Variants in RAB28 observed in about 807,000 individuals in gnomAD.
The protein encoded by RAB28 is ras-related protein Rab-28.
RAB28 carries 24 observed loss-of-function variants against 31.7 expected under a neutral mutation model. The ratio of observed to expected loss-of-function variants is 0.76; its 90% CI spans 0.55 to 1.06. The LOEUF is 1.06. Ranked by LOEUF, RAB28 falls within the 50% of genes least tolerant of loss-of-function variation. The probability of loss-of-function intolerance (pLI) is 0.00; values close to 1 mark genes in which losing one functional copy is unlikely to be tolerated. For missense variants in RAB28, 254 were observed against 258.5 expected (o/e 0.98, Z 0.12); for synonymous variants, 100 against 90.4 (o/e 1.11, Z -0.60).
intron 4 of RAB28, among the ~76,000 whole-genome samples, chr4:13,416,981 A>G (rs1712822561): frequency 6.6e-6 from 1 of 152,208 alleles, no homozygotes; most frequent in African/African-American, 2.4e-5. Context: ...TCCCTTTCCT[A>G]GCCAAGGAAG....
At chr4:13,383,206 A>G (rs1729209081) in intron 4 of RAB28, among the ~76,000 whole-genome samples, 1 of 152,206 alleles carries the variant, frequency 6.6e-6, no homozygotes, top group African/African-American at 2.4e-5. Flanking sequence ...TTCTAATTCA[A>G]CAAGAGTAAG....
intron 6 of RAB28, among the ~76,000 whole-genome samples, chr4:13,375,275 T>C (rs1047098725): frequency 9.9e-5 from 15 of 152,208 alleles, no homozygotes; most frequent in African/African-American, 3.6e-4. Context: ...ATAACTGAGA[T>C]AACACAGTCC....
In RAB28 at chr4:13,368,423, A is replaced by G. The variant is rs1728591871; in HGVS notation, c.*135T>C. The G allele has an allele frequency of 3.1e-6, 4 of 1,288,964 alleles. No homozygotes were observed. The highest frequency in any genetic ancestry group is 3.9e-6 in the Non-Finnish European group (4 of 1,015,834). The allele number at this position is 1,288,964 out of a possible 1,614,324, so 79.8% of individuals were successfully genotyped here. A position where few individuals can be genotyped will look rare whatever the true frequency, so the allele number is the denominator to read the frequency against. On this transcript the variant is annotated 3_prime_UTR_variant, in exon 7 of 7. Coordinates refer to ENST00000330852, the MANE Select transcript of RAB28 (RefSeq NM_001017979.3). ...TGCCTGCCACTGTGAGGCAATAGCA[A>G]TGATGAAGCAAGTTGGGAGTAAAGT...
rs181155932 is a variant in RAB28 at position 13,421,189 on chromosome 4, A to G, written c.391+39510T>C. Among the ~76,000 whole-genome samples, 8 of 152,330 alleles carry G rather than the reference A, an allele frequency of 5.3e-5. 1 individual carries two copies. The East Asian group carries it at 1.5e-3, about 29-fold the overall frequency. On this transcript the variant is annotated intron_variant, in intron 4 of 6. Coordinates refer to ENST00000330852, the MANE Select transcript of RAB28 (RefSeq NM_001017979.3). Reference sequence around the variant, plus strand: ...AAGAGAATAAAATGCCTAGGAATCCACCTTACAAGGGATATGAAGGACTTC... The same window carrying G: ...AAGAGAATAAAATGCCTAGGAATCCGCCTTACAAGGGATATGAAGGACTTC...
chr4:13,409,860 C>G (rs1001733183), intron 4 of RAB28, among the ~76,000 whole-genome samples: 1 of 152,136 alleles, frequency 6.6e-6, no homozygotes, highest in African/African-American at 2.4e-5. Flanking sequence ...TCCCTGCCTG[C>G]TATAATTTGG....
intron 4 of RAB28, among the ~76,000 whole-genome samples, chr4:13,450,247 G>A (rs1238011874): frequency 6.6e-6 from 1 of 151,350 alleles, no homozygotes; most frequent in Non-Finnish European, 1.5e-5. Flanking sequence ...CCACAAGTTA[G>A]GATTTAAGAA....
intron 4 of RAB28, among the ~76,000 whole-genome samples, chr4:13,450,561 T>C (rs1326559282): frequency 6.6e-6 from 1 of 151,962 alleles, no homozygotes; most frequent in Non-Finnish European, 1.5e-5. Flanking sequence ...TTCATTCATT[T>C]GGTATTAGTT....
At chr4:13,479,633 A>C (rs556965919) in intron 1 of RAB28, 107 bp from the exon 2 acceptor site, 1 of 742,574 alleles carries the variant, frequency 1.3e-6, no homozygotes, top group African/African-American at 1.8e-5. Context: ...CAATTAATCC[A>C]ACAAGCAAAT....
chr4:13,389,358 TG>T (rs1729524960), intron 4 of RAB28, among the ~76,000 whole-genome samples: 1 of 152,190 alleles, frequency 6.6e-6, no homozygotes, highest in African/African-American at 2.4e-5. Context: ...ATTTGCAAGA[TG>T]AAAAAGTTCT....
intron 4 of RAB28, among the ~76,000 whole-genome samples, chr4:13,406,798 T>C (rs1012906401): frequency 2.4e-4 from 37 of 152,252 alleles, no homozygotes; most frequent in Non-Finnish European, 2.2e-4. Flanking sequence ...ATAAATGTCT[T>C]CTTTTGAGAA....
intron 4 of RAB28, among the ~76,000 whole-genome samples, chr4:13,405,777 G>A (rs968166741): frequency 6.6e-6 from 1 of 152,110 alleles, no homozygotes; most frequent in Non-Finnish European, 1.5e-5. Flanking sequence ...TTTCATGATA[G>A]AGCACTAACA....
chr4:13,480,840 GAA>G (rs1281087738), intron 1 of RAB28, among the ~76,000 whole-genome samples: 6 of 151,986 alleles, frequency 3.9e-5, no homozygotes, highest in Admixed American at 2.6e-4. Context: ...GATCAGAATT[GAA>G]AAGATAGGTA....
intron 2 of RAB28, among the ~76,000 whole-genome samples, chr4:13,476,848 T>C (rs935199525): frequency 7.8e-4 from 118 of 151,560 alleles, no homozygotes; most frequent in African/African-American, 2.8e-3. Context: ...CCTGTTCCTC[T>C]GTAAGAAATG....
At chr4:13,421,521 G>A (rs1166315321) in intron 4 of RAB28, among the ~76,000 whole-genome samples, 1 of 152,164 alleles carries the variant, frequency 6.6e-6, no homozygotes, top group Non-Finnish European at 1.5e-5. Context: ...CAAGGCTACA[G>A]TAACCAAAAC....
chr4:13,426,363 G>A (rs978610372), intron 4 of RAB28, among the ~76,000 whole-genome samples: 1 of 151,416 alleles, frequency 6.6e-6, no homozygotes, highest in Non-Finnish European at 1.5e-5. Context: ...CTCTGAGGAG[G>A]AGACCATGAA....
chr4:13,381,691 C>T, intron 4 of RAB28, 97 bp from the exon 5 acceptor site: 1 of 809,828 alleles, frequency 1.2e-6, no homozygotes, highest in Non-Finnish European at 1.9e-6. Context: ...ATATTATATT[C>T]CAGCTTCGAC....
At chr4:13,384,872 G>A (rs1560270338) in intron 4 of RAB28, among the ~76,000 whole-genome samples, 1 of 152,164 alleles carries the variant, frequency 6.6e-6, no homozygotes, top group African/African-American at 2.4e-5. Context: ...TGAGATGGCT[G>A]AAATGACAGA....
intron 4 of RAB28, among the ~76,000 whole-genome samples, chr4:13,394,682 T>C (rs1312056452): frequency 2.0e-5 from 3 of 151,936 alleles, no homozygotes; most frequent in Non-Finnish European, 2.9e-5. Context: ...AACAAAGAAG[T>C]ATAATAAGCA....
intron 5 of RAB28, among the ~76,000 whole-genome samples, chr4:13,378,091 T>C (rs1728992822): frequency 6.6e-6 from 1 of 152,120 alleles, no homozygotes; most frequent in Non-Finnish European, 1.5e-5. Flanking sequence ...GGGAAAAGTC[T>C]GAGCAAAGCC....
Sources: allele counts gnomAD v4.1 joint callset (sites outside exome capture counted in the v4.1 genomes callset), GRCh38; gene constraint gnomAD v4.1.1; transcripts MANE v1.5; gene names NCBI Gene and HGNC (gene_info 2026-07-23, HGNC 2026-07-21).